RHBDD3: variants seen among roughly 807,000 people sequenced by gnomAD.
RHBDD3 encodes rhomboid domain containing 3.
In RHBDD3, 34 loss-of-function variants were observed where a neutral mutation model predicts 32.3. The observed-to-expected ratio is 1.05, with a 90% CI of 0.80 to 1.40. The LOEUF is 1.40. Among genes scored for constraint, RHBDD3 ranks in the 40% most tolerant of loss-of-function variants. The probability of loss-of-function intolerance (pLI) is 0.00; values close to 1 mark genes in which losing one functional copy is unlikely to be tolerated. For synonymous variants in RHBDD3, 249 were observed against 239.1 expected, an observed-to-expected ratio of 1.04 and a Z score of -0.38; for missense variants, 482 against 492.6, an observed-to-expected ratio of 0.98 and a Z score of 0.20.
rs1301696782 is a variant in RHBDD3, at chr22:29,267,806, A to G, written c.-253T>C. ...TCGGGGACCCCGGCTGGGAGTCAGG[A>G]CTCTAGCTCCCGGGCGCGACCCGAG... On this transcript the variant is annotated 5_prime_UTR_variant, in exon 1 of 7. Transcript: ENST00000216085. 1 of 183,352 alleles carries G rather than the reference A, an allele frequency of 5.5e-6. No homozygotes were observed. The highest frequency in any genetic ancestry group is 2.0e-3 in the Middle Eastern group (1 of 508). The allele number at this position is 183,352 out of a possible 1,614,324, so 11.4% of individuals were successfully genotyped here.
chr22:29,261,523 G>A (rs570814666), intron 4 of RHBDD3: 1 of 357,224 alleles, frequency 2.8e-6, no homozygotes, highest in African/African-American at 2.1e-5. Flanking sequence ...GAGCCCAGGA[G>A]TTTGAGGCTG....
intron 4 of RHBDD3, chr22:29,261,416 G>C (rs1316386665): frequency 4.5e-6 from 2 of 448,280 alleles, no homozygotes; most frequent in Non-Finnish European, 9.0e-6. Context: ...GGGCAACATA[G>C]ACCCCGTCTC....
At chr22:29,264,529 T>G (rs2058155766) in intron 3 of RHBDD3, 2 of 1,148,772 alleles carry the variant, frequency 1.7e-6, no homozygotes, top group East Asian at 9.1e-5. Flanking sequence ...TGCTTCTGTA[T>G]TTACTAAATC....
In RHBDD3 at chr22:29,265,521, CG is replaced by C. The variant is rs1456105076; in HGVS notation, c.105del (p.Gly36AlafsTer19). Reference sequence around the variant, plus strand: ...AACAGCTCCGGGGCCAGGACCAGGCCGGGGCCGGCCCCCACCAGCCACAGGG... The same window carrying C: ...AACAGCTCCGGGGCCAGGACCAGGCCGGGCCGGCCCCCACCAGCCACAGGG... The part of the protein sequence containing the change: ...MSTLWLVGAG[P>X]GLVLAPELLL... On this transcript the variant is annotated frameshift_variant, in exon 3 of 7. Coordinates refer to ENST00000216085, the MANE Select transcript of RHBDD3 (RefSeq NM_012265.3). LOFTEE classifies it high-confidence loss of function. 6 of 1,572,608 alleles carry C rather than the reference CG, an allele frequency of 3.8e-6. No homozygotes were observed. In the African/African-American group the frequency reaches 4.2e-5, roughly 11 times the overall value.
At position 29,265,572 on chromosome 22, in the gene RHBDD3, A is replaced by T; in HGVS notation, c.55T>A (p.Ser19Thr). 6.3e-7 allele frequency: 1 copy of T among 1,590,290 alleles called. No homozygotes were observed. The highest frequency in any genetic ancestry group is 8.5e-7 in the Non-Finnish European group (1 of 1,171,274). ...GTGCTCATCAGCAGCATCAGGACTGAGGAGGCCAGAGGCAGTGCTGGGGAC... is the reference window on the plus strand; with the variant it reads ...GTGCTCATCAGCAGCATCAGGACTGTGGAGGCCAGAGGCAGTGCTGGGGAC... ...QLSPALPLAS[S>T]VLMLLMSTLW... The change falls in exon 3 of 7, where the codon TCA (serine) becomes ACA (threonine). Residue 19 changes from serine to threonine, a missense_variant. By Grantham distance (58) the Ser-to-Thr change is moderately conservative. Transcript: ENST00000216085.
chr22:29,264,047 A>G lies in RHBDD3; in HGVS notation c.320T>C (p.Leu107Pro). The G allele has an allele frequency of 2.5e-6, 4 of 1,570,198 alleles. No individual in the cohort carries two copies. The highest frequency in any genetic ancestry group is 1.7e-6 in the Non-Finnish European group (2 of 1,158,334). ...TGCACTGGACAGCCCAAGGCCTGCC[A>G]GCAGCACTGCCAGCAGCCCAGAAGC... The part of the protein sequence containing the change: ...ALASGLLAVL[L>P]AGLGLSSAAG... The change falls in exon 4 of 7, where the codon CTG becomes CCG. Residue 107 changes from leucine (L) to proline (P), a missense_variant. Leu to Pro is a moderately conservative substitution (Grantham distance 98, BLOSUM62 -3). Transcript: ENST00000216085.
At chr22:29,264,348 A>C in intron 3 of RHBDD3, 130 bp from the exon 4 acceptor site, 1 of 1,433,486 alleles carries the variant, frequency 7.0e-7, no homozygotes, top group Non-Finnish European at 9.2e-7. Context: ...CCCAGGAGCC[A>C]GTCTTCCCAC....
intron 1 of RHBDD3, 35 bp downstream of exon 1, chr22:29,267,711 TCC>T (rs1306738833): frequency 1.8e-5 from 3 of 163,492 alleles, no homozygotes; most frequent in African/African-American, 7.2e-5. Flanking sequence ...TGGGGACCCT[TCC>T]CCGCTGGCCC....
intron 2 of RHBDD3, among the ~76,000 whole-genome samples, chr22:29,266,015 A>T (rs2146525666): frequency 6.6e-6 from 1 of 151,012 alleles, no homozygotes; most frequent in Non-Finnish European, 1.5e-5. Context: ...TCAGACTACT[A>T]CCTCCCTCCT....
chr22:29,262,733 G>A (rs2058133648), intron 4 of RHBDD3, among the ~76,000 whole-genome samples: 1 of 152,142 alleles, frequency 6.6e-6, no homozygotes, highest in South Asian at 2.1e-4. Flanking sequence ...TTGAGAGGAA[G>A]TCTCGCTCTC....
At chr22:29,263,810 G>T in intron 4 of RHBDD3, 25 bp downstream of exon 4, 1 of 1,494,822 alleles carries the variant, frequency 6.7e-7, no homozygotes, top group South Asian at 1.3e-5. Flanking sequence ...CATCCCCACG[G>T]GCCCTGGGCT....
chr22:29,260,328 CAG>C lies in RHBDD3; in HGVS notation c.979_980del (p.Leu327AlafsTer40). The C allele has an allele frequency of 6.2e-7, 1 of 1,607,836 alleles. No homozygotes were observed. The highest frequency in any genetic ancestry group is 8.5e-7 in the Non-Finnish European group (1 of 1,176,664). ...CACCTCTGCCCACCCCACCTTACCG[CAG>C]AGAGGAGACAGAGGACTTGGACAGC... is the stretch of plus-strand genomic sequence containing the variant. ...PWLSKSSVSS[L>X]RLQQLERMGF... On this transcript the variant is annotated frameshift_variant, in exon 6 of 7. Transcript: ENST00000216085. LOFTEE classifies it high-confidence loss of function.
chr22:29,260,580 G>A lies in RHBDD3; in HGVS notation c.729C>T (p.Ser243=), dbSNP rs1451759303. Residue 243 remains serine, a synonymous_variant, in exon 6 of 7, where the codon TCC becomes TCT. Coordinates refer to ENST00000216085, the MANE Select transcript of RHBDD3 (RefSeq NM_012265.3). ...PPIPGPPYVA[S]PDLWSHWEDS... is the part of the protein sequence containing the mutation. The stretch of plus-strand genomic sequence containing the variant: ...CTTCCCAGTGGGACCAGAGGTCAGG[G>A]GAGGCCACATAAGGCGGTCCAGGGA... The A allele has an allele frequency of 6.2e-7, 1 of 1,600,746 alleles. No individual in the cohort carries two copies. The highest frequency in any genetic ancestry group is 8.5e-7 in the Non-Finnish European group (1 of 1,175,572).
upstream of RHBDD3, chr22:29,268,055 G>A (rs2058269767): frequency 3.5e-6 from 2 of 568,440 alleles, no homozygotes; most frequent in Non-Finnish European, 6.3e-6. Flanking sequence ...CTCGTGCTGA[G>A]AGCCTCTCCG....
intron 4 of RHBDD3, chr22:29,261,280 ACT>A (rs2058115312): frequency 2.1e-6 from 1 of 482,572 alleles, no homozygotes; most frequent in Admixed American, 2.3e-5. Context: ...CTCCAGTGGC[ACT>A]GTTTTCCCCG....
rs902565305 is a variant in RHBDD3, at chr22:29,262,818, T to C, written c.532+1017A>G. The stretch of plus-strand genomic sequence containing the variant: ...GCCTCTCGGATTCAAGCAATTCTCC[T>C]GTCTCAGTCTCCCAAGTAGCTGGGA... On this transcript the variant is annotated intron_variant, in intron 4 of 6. Transcript: ENST00000216085. Among the ~76,000 whole-genome samples the C allele has an allele frequency of 2.6e-5, 4 of 152,340 alleles. No homozygotes were observed. The East Asian group carries it at 5.8e-4, about 22-fold the overall frequency.
intron 4 of RHBDD3, among the ~76,000 whole-genome samples, chr22:29,262,362 C>T (rs1224943433): frequency 2.6e-5 from 4 of 152,138 alleles, no homozygotes; most frequent in Non-Finnish European, 4.4e-5. Flanking sequence ...TGGTCCTGAA[C>T]TCCTGACCTC....
intron 4 of RHBDD3, chr22:29,261,421 C>T (rs868731662): frequency 3.4e-5 from 15 of 442,000 alleles, no homozygotes; most frequent in African/African-American, 1.8e-4. Context: ...ACATAGACCC[C>T]GTCTCTACAA....
In RHBDD3 at chr22:29,260,116, G is replaced by C. The variant is rs2058092120; in HGVS notation, c.1105C>G (p.Leu369Val). 2 of 1,584,690 alleles carry C rather than the reference G, an allele frequency of 1.3e-6. No individual in the cohort carries two copies. The highest frequency in any genetic ancestry group is 2.7e-5 in the African/African-American group (2 of 74,346). Residue 369 changes from leucine (L) to valine (V), a missense_variant, in exon 7 of 7, where the codon CTG becomes GTG. Leu to Val is a conservative substitution (Grantham distance 32). Coordinates refer to ENST00000216085, the MANE Select transcript of RHBDD3 (RefSeq NM_012265.3). The stretch of plus-strand genomic sequence containing the variant: ...GGCCCACCCTTTCCATGGGTCACCA[G>C]GGTCTCAGTGCCCACTTGTCCTCCA... ...LVGGQVGTET[L>V]VTHGKGGPAH... is the part of the protein sequence containing the mutation.
Sources: gnomAD v4.1 joint callset for allele counts (sites outside exome capture counted in the v4.1 genomes callset) on GRCh38, gnomAD v4.1.1 for gene constraint, MANE v1.5 for transcripts, NCBI Gene and HGNC (gene_info 2026-07-23, HGNC 2026-07-21) for gene names.